Variants in SNTG1 observed in about 807,000 individuals in gnomAD.
SNTG1 encodes the protein syntrophin gamma 1.
In SNTG1, 39 loss-of-function variants were observed where a neutral mutation model predicts 74.7. The ratio of observed to expected loss-of-function variants is 0.52; its 90% CI spans 0.40 to 0.68. The LOEUF is 0.68. SNTG1 is among the 30% of genes least tolerant of loss of function. SNTG1 has a pLI of 0.00. For missense variants in SNTG1, 685 were observed against 609.5 expected, an observed-to-expected ratio of 1.12 and a Z score of -1.30; for synonymous variants, 254 against 217.1, an observed-to-expected ratio of 1.17 and a Z score of -1.49.
At chr8:50,622,570 T>G (rs1476659137) in intron 13 of SNTG1, among the ~76,000 whole-genome samples, 1 of 152,144 alleles carries the variant, frequency 6.6e-6, no homozygotes, top group Non-Finnish European at 1.5e-5. Context: ...ATTTGTAAAT[T>G]AACCATAATC....
intron 12 of SNTG1, among the ~76,000 whole-genome samples, chr8:50,572,989 G>A (rs555483653): frequency 1.3e-5 from 2 of 152,160 alleles, no homozygotes; most frequent in South Asian, 4.1e-4. Context: ...TCCATCTGGA[G>A]AGCACAACTC....
At chr8:50,525,386 T>C (rs576824216) in intron 9 of SNTG1, among the ~76,000 whole-genome samples, 1 of 152,304 alleles carries the variant, frequency 6.6e-6, no homozygotes, top group East Asian at 1.9e-4. Flanking sequence ...GTTGGAGATC[T>C]TCAAGTTTCT....
At chr8:49,962,019 C>G (rs1810731615) in intron 1 of SNTG1, among the ~76,000 whole-genome samples, 1 of 152,202 alleles carries the variant, frequency 6.6e-6, no homozygotes, top group African/African-American at 2.4e-5. Flanking sequence ...CAAACATTCT[C>G]CAGCTTCCCC....
At chr8:50,031,661 C>T (rs184182135) in intron 1 of SNTG1, among the ~76,000 whole-genome samples, 15 of 152,096 alleles carry the variant, frequency 9.9e-5, no homozygotes, top group South Asian at 2.1e-4. Flanking sequence ...ACTAGACTTG[C>T]GACACTAGAA....
At position 50,502,993 on chromosome 8, in the gene SNTG1, A is replaced by G. The variant is rs181291443; in HGVS notation, c.466+113A>G. The G allele has an allele frequency of 2.2e-5, 17 of 785,696 alleles. 1 individual carries two copies. In the Admixed American group the frequency reaches 4.5e-4, roughly 21 times the overall value. The allele number at this position is 785,696 out of a possible 1,614,324, so 48.7% of individuals were successfully genotyped here. On this transcript the variant is annotated intron_variant, in intron 9 of 18. Transcript: ENST00000642720. ...AAAGTTGAGATTTTTGCCTGACTGT[A>G]AACATTTTTATATTACAAAGTGTTC...
chr8:49,957,861 G>T (rs1055864483), intron 1 of SNTG1, among the ~76,000 whole-genome samples: 1 of 152,138 alleles, frequency 6.6e-6, no homozygotes. Context: ...AGCTACTCAG[G>T]AGGCTGAGAC....
At chr8:50,121,136 T>C (rs2080986143) in intron 1 of SNTG1, among the ~76,000 whole-genome samples, 1 of 142,506 alleles carries the variant, frequency 7.0e-6, no homozygotes, top group Non-Finnish European at 1.6e-5. Flanking sequence ...AAAACTAGTC[T>C]CTCAAGACCA....
chr8:50,072,991 A>G (rs1821508476), intron 1 of SNTG1, among the ~76,000 whole-genome samples: 1 of 152,138 alleles, frequency 6.6e-6, no homozygotes, highest in South Asian at 2.1e-4. Context: ...CTCCATATTG[A>G]TGGCTGCTGA....
chr8:50,445,450 C>G (rs1348050991), intron 5 of SNTG1, among the ~76,000 whole-genome samples: 1 of 152,100 alleles, frequency 6.6e-6, no homozygotes, highest in East Asian at 1.9e-4. Flanking sequence ...GGCAAGACTC[C>G]TGATGCTCTA....
At chr8:50,046,188 A>T (rs1243745520) in intron 1 of SNTG1, among the ~76,000 whole-genome samples, 2 of 152,346 alleles carry the variant, frequency 1.3e-5, no homozygotes, top group East Asian at 3.9e-4. Flanking sequence ...AAATATGTAA[A>T]GGTCATTCTT....
chr8:50,494,707 T>G (rs184291034), intron 8 of SNTG1, among the ~76,000 whole-genome samples: 2 of 152,108 alleles, frequency 1.3e-5, no homozygotes, highest in Non-Finnish European at 2.9e-5. Flanking sequence ...TACCTAATAA[T>G]GTATTTTACT....
At chr8:50,536,947 C>A (rs1375702493) in intron 11 of SNTG1, 139 bp downstream of exon 11, 2 of 1,099,012 alleles carry the variant, frequency 1.8e-6, no homozygotes, top group African/African-American at 1.6e-5. Context: ...AAATAATAAT[C>A]TAACAAAGTT....
intron 15 of SNTG1, among the ~76,000 whole-genome samples, chr8:50,699,155 T>TA (rs2095415071): frequency 2.6e-5 from 4 of 151,882 alleles, no homozygotes; most frequent in Admixed American, 6.6e-5. Flanking sequence ...TGCTTTTTTT[T>TA]AAAAAGGGTT....
At chr8:50,513,852 C>T (rs966459123) in intron 9 of SNTG1, among the ~76,000 whole-genome samples, 8 of 152,214 alleles carry the variant, frequency 5.3e-5, no homozygotes, top group Non-Finnish European at 1.2e-4. Context: ...TCCCTGACCC[C>T]TTGCACTTCC....
At chr8:50,349,876 C>T (rs1232987441) in intron 2 of SNTG1, among the ~76,000 whole-genome samples, 1 of 152,116 alleles carries the variant, frequency 6.6e-6, no homozygotes, top group African/African-American at 2.4e-5. Context: ...CTGGGCTGGC[C>T]AAGGTAGGAG....
intron 4 of SNTG1, among the ~76,000 whole-genome samples, chr8:50,426,900 T>C (rs2093170611): frequency 6.6e-6 from 1 of 152,178 alleles, no homozygotes; most frequent in Non-Finnish European, 1.5e-5. Context: ...CAATATGGTA[T>C]AACAGCTTTT....
chr8:50,081,261 AT>A (rs913478162), intron 1 of SNTG1, among the ~76,000 whole-genome samples: 1 of 117,058 alleles, frequency 8.5e-6, no homozygotes, highest in Non-Finnish European at 1.7e-5. Flanking sequence ...TTCTGCCATA[AT>A]TTTTTTGTCT....
chr8:50,356,686 A>C (rs1293675375), intron 2 of SNTG1, among the ~76,000 whole-genome samples: 1 of 151,998 alleles, frequency 6.6e-6, no homozygotes. Context: ...CTCTAATCCC[A>C]TTCATGAAGG....
chr8:50,036,281 G>A lies in SNTG1; in HGVS notation c.-103+124050G>A, dbSNP rs191093481. 5.3e-5 allele frequency among the ~76,000 whole-genome samples: 8 copies of A among 152,210 alleles called. No homozygotes were observed. In the East Asian group the frequency reaches 1.2e-3, roughly 22 times the overall value. On this transcript the variant is annotated intron_variant, in intron 1 of 18. Transcript: ENST00000642720. Reference sequence around the variant, plus strand: ...TTGATAAGAAAATGACAACTATGACGTCTCTATGCAGCTCCTGCATAGTCT... The same window carrying A: ...TTGATAAGAAAATGACAACTATGACATCTCTATGCAGCTCCTGCATAGTCT...
Sources: allele counts gnomAD v4.1 joint callset (sites outside exome capture counted in the v4.1 genomes callset), GRCh38; gene constraint gnomAD v4.1.1; transcripts MANE v1.5; gene names NCBI Gene and HGNC (gene_info 2026-07-23, HGNC 2026-07-21).